The following NELL1 variants were observed in gnomAD, a reference collection of about 807,000 sequenced individuals.
NELL1 encodes protein kinase C-binding protein NELL1.
A neutral mutation model predicts 107.4 loss-of-function variants in NELL1; 76 were observed. That is an observed-to-expected ratio of 0.71 (90% confidence interval 0.59 to 0.86). The LOEUF is 0.86. Ranked by LOEUF, NELL1 falls within the 40% of genes least tolerant of loss-of-function variation. The pLI is 0.00. For missense variants in NELL1, 1,024 were observed against 1,005.5 expected (o/e 1.02, Z -0.25); for synonymous variants, 353 against 341.2 (o/e 1.03, Z -0.38).
At chr11:21,531,972 A>G (rs1231265544) in intron 15 of NELL1, among the ~76,000 whole-genome samples, 2 of 152,218 alleles carry the variant, frequency 1.3e-5, no homozygotes, top group African/African-American at 2.4e-5. Flanking sequence ...AGTGTTAGGA[A>G]CACAGTGAAA....
Position 20,813,006 on chromosome 11 carries a change from C to CAA in NELL1, c.335+29216_335+29217dup, listed in dbSNP as rs869187456. 6.0e-4 allele frequency among the ~76,000 whole-genome samples: 37 copies of CAA among 61,270 alleles called. 6 individuals carry two copies. Among genetic ancestry groups the CAA allele is most frequent in the African/African-American group, 2.5e-3 (36 of 14,484 alleles). 40.2% of individuals were successfully genotyped at this position (61,270 alleles called of 152,430 possible). A position where few individuals can be genotyped will look rare whatever the true frequency, so the allele number is the denominator to read the frequency against. On this transcript the variant is annotated intron_variant, in intron 3 of 19. Transcript: ENST00000357134. ...CCTGGGCGACAGCGAGACTCCGTCT[C>CAA]AAAAAAAAAAAAAAAAAAAAAAAAA...
intron 14 of NELL1, among the ~76,000 whole-genome samples, chr11:21,306,807 A>T (rs1849614605): frequency 6.6e-6 from 1 of 151,980 alleles, no homozygotes; most frequent in Admixed American, 6.6e-5. Flanking sequence ...TTTCCACCTG[A>T]GTTTGTGAAA....
intron 13 of NELL1, among the ~76,000 whole-genome samples, chr11:21,187,811 G>T (rs547299063): frequency 6.6e-6 from 1 of 151,934 alleles, no homozygotes; most frequent in African/African-American, 2.4e-5. Context: ...GACATGAATT[G>T]ACACAGATTA....
intron 2 of NELL1, among the ~76,000 whole-genome samples, chr11:20,717,762 C>T (rs1437011543): frequency 6.6e-6 from 1 of 152,156 alleles, no homozygotes. Context: ...ATTGAAATTA[C>T]ATATTTTTTT....
chr11:21,434,443 A>G (rs1853051841), intron 15 of NELL1, among the ~76,000 whole-genome samples: 1 of 152,216 alleles, frequency 6.6e-6, no homozygotes, highest in Non-Finnish European at 1.5e-5. Context: ...TTTATTGAAC[A>G]GGGTGCCCTT....
intron 2 of NELL1, among the ~76,000 whole-genome samples, chr11:20,765,676 G>T (rs1244826115): frequency 6.6e-6 from 1 of 152,162 alleles, no homozygotes; most frequent in Non-Finnish European, 1.5e-5. Context: ...GGAATCTAAA[G>T]AAGGGCCAAG....
At chr11:20,948,105 C>T (rs2403647) in intron 11 of NELL1, among the ~76,000 whole-genome samples, 123,893 of 152,060 alleles carry the variant, frequency 0.81, 51,078 homozygotes, top group East Asian at 1. Flanking sequence ...AGCAGTGGTA[C>T]GATCATAGCT....
intron 16 of NELL1, among the ~76,000 whole-genome samples, chr11:21,550,659 G>A (rs1160547980): frequency 6.6e-6 from 1 of 151,968 alleles, no homozygotes; most frequent in Non-Finnish European, 1.5e-5. Context: ...GTAGATATGA[G>A]GCATTATTTC....
chr11:21,107,587 G>A (rs1373024925), intron 12 of NELL1, among the ~76,000 whole-genome samples: 4 of 152,140 alleles, frequency 2.6e-5, no homozygotes, highest in Admixed American at 2.6e-4. Flanking sequence ...CAGCTATCAA[G>A]AAATAGTGTG....
chr11:21,064,451 T>C (rs1041873179), intron 12 of NELL1, among the ~76,000 whole-genome samples: 4 of 152,156 alleles, frequency 2.6e-5, no homozygotes, highest in African/African-American at 7.2e-5. Context: ...GGATATGTTT[T>C]GAAGCTAGAG....
At chr11:21,186,983 G>C (rs948713104) in intron 13 of NELL1, among the ~76,000 whole-genome samples, 1 of 151,794 alleles carries the variant, frequency 6.6e-6, no homozygotes, top group East Asian at 1.9e-4. Context: ...ATTGCTGACT[G>C]TCATTTCTGT....
At chr11:21,113,538 G>A (rs531851544) in intron 12 of NELL1, 51 bp from the exon 13 acceptor site, 19 of 1,558,794 alleles carry the variant, frequency 1.2e-5, no homozygotes, top group Non-Finnish European at 1.5e-5. Context: ...TGATTACACT[G>A]TTGTTCCATT....
Position 21,534,445 on chromosome 11 carries a change from TACC to T in NELL1, c.1720_1722del (p.His574del), listed in dbSNP as rs780723322. 1.9e-6 allele frequency: 3 copies of T among 1,613,872 alleles called. No individual in the cohort carries two copies. Among genetic ancestry groups the T allele is most frequent in the Non-Finnish European group, 2.5e-6 (3 of 1,179,852 alleles). ...CCGCTGCGTTAACCTGCCAGGGTGG[TACC>T]ACTGTGAGTGCAGAAGCGGTTTCCA... On this transcript the variant is annotated inframe_deletion, in exon 16 of 20. Coordinates refer to ENST00000357134, the MANE Select transcript of NELL1 (RefSeq NM_006157.5).
chr11:21,087,086 G>A (rs1327117369), intron 12 of NELL1, among the ~76,000 whole-genome samples: 1 of 152,076 alleles, frequency 6.6e-6, no homozygotes, highest in African/African-American at 2.4e-5. Flanking sequence ...TGATCCGCAC[G>A]CCTCGGCCGC....
chr11:20,832,790 T>G (rs937651802), intron 3 of NELL1, among the ~76,000 whole-genome samples: 1 of 152,170 alleles, frequency 6.6e-6, no homozygotes, highest in Non-Finnish European at 1.5e-5. Flanking sequence ...ACCATAAAAT[T>G]TATCTTACTA....
At chr11:21,009,409 C>A (rs1331859851) in intron 12 of NELL1, among the ~76,000 whole-genome samples, 1 of 152,108 alleles carries the variant, frequency 6.6e-6, no homozygotes, top group Non-Finnish European at 1.5e-5. Flanking sequence ...GTGGTGCTCA[C>A]TGCTGATGAG....
At chr11:20,926,519 C>G (rs1194767628) in intron 7 of NELL1, among the ~76,000 whole-genome samples, 1 of 152,128 alleles carries the variant, frequency 6.6e-6, no homozygotes. Context: ...AGAAAAGTGG[C>G]TTTCCTTGGA....
At chr11:21,558,980 AC>A (rs1856787483) in intron 16 of NELL1, among the ~76,000 whole-genome samples, 1 of 152,066 alleles carries the variant, frequency 6.6e-6, no homozygotes, top group South Asian at 2.1e-4. Context: ...ATTTTAGTTG[AC>A]TTACCATACA....
chr11:21,552,007 A>C (rs1387758160), intron 16 of NELL1, among the ~76,000 whole-genome samples: 1 of 144,846 alleles, frequency 6.9e-6, no homozygotes, highest in Non-Finnish European at 1.5e-5. Context: ...TGAAATTGGA[A>C]ATCATCATTC....
Sources: allele counts gnomAD v4.1 joint callset (sites outside exome capture counted in the v4.1 genomes callset), GRCh38; gene constraint gnomAD v4.1.1; transcripts MANE v1.5; gene names NCBI Gene and HGNC (gene_info 2026-07-23, HGNC 2026-07-21).